Variants in TSGA10 observed in about 807,000 individuals in gnomAD.
The protein encoded by TSGA10 is testis-specific gene 10 protein.
A neutral mutation model predicts 96.6 loss-of-function variants in TSGA10; 43 were observed. The observed-to-expected ratio is 0.44, with a 90% CI of 0.35 to 0.57. The LOEUF (loss-of-function observed/expected upper bound fraction) is 0.57, where lower values mean the gene tolerates loss of function less well. Among genes scored for constraint, TSGA10 ranks in the 20% least tolerant of loss-of-function variants. The pLI is 0.01. For synonymous variants in TSGA10, 229 were observed against 269.9 expected (o/e 0.85, Z 1.48); for missense variants, 703 against 834.4 (o/e 0.84, Z 1.94).
At chr2:99,137,169 G>A (rs2093360887) in intron 1 of TSGA10, among the ~76,000 whole-genome samples, 1 of 151,980 alleles carries the variant, frequency 6.6e-6, no homozygotes, top group African/African-American at 2.4e-5. Flanking sequence ...AGCTAACTTT[G>A]TATTTTTAGT....
chr2:99,122,202 G>A (rs2092608865), intron 2 of TSGA10, among the ~76,000 whole-genome samples: 1 of 152,034 alleles, frequency 6.6e-6, no homozygotes. Flanking sequence ...TTTGTTTTTG[G>A]TGCCTTCCTG....
At chr2:99,143,616 A>G (rs978160870) in intron 1 of TSGA10, among the ~76,000 whole-genome samples, 1 of 151,826 alleles carries the variant, frequency 6.6e-6, no homozygotes, top group African/African-American at 2.4e-5. Flanking sequence ...GACCACAGGT[A>G]TGTGCCACCA....
At position 99,030,639 on chromosome 2, in the gene TSGA10, C is replaced by A. The variant is rs566892022; in HGVS notation, c.1614+4591G>T. Among the ~76,000 whole-genome samples, 40 of 152,102 alleles carry A rather than the reference C, an allele frequency of 2.6e-4. No homozygotes were observed. In the East Asian group the frequency reaches 6.0e-3, roughly 23 times the overall value. ...TCCAGCCTGGGTGACAGAGTGAGAC[C>A]CAATCTCTAAAACCAAACCAAAAGA... On this transcript the variant is annotated intron_variant, in intron 17 of 20. Transcript: ENST00000393483.
At chr2:99,103,880 CA>C in intron 10 of TSGA10, 86 bp downstream of exon 10, 2 of 1,465,842 alleles carry the variant, frequency 1.4e-6, no homozygotes, top group Non-Finnish European at 1.8e-6. Flanking sequence ...CTGAACTCAA[CA>C]AATAATTTTC....
intron 16 of TSGA10, among the ~76,000 whole-genome samples, chr2:99,053,284 G>A (rs374414052): frequency 6.7e-6 from 1 of 148,362 alleles, no homozygotes; most frequent in East Asian, 2.0e-4. Flanking sequence ...GCAAGACAAT[G>A]TTTTCTACAA....
At chr2:99,037,813 G>A (rs2081784102) in intron 16 of TSGA10, among the ~76,000 whole-genome samples, 1 of 152,060 alleles carries the variant, frequency 6.6e-6, no homozygotes, top group Non-Finnish European at 1.5e-5. Context: ...TCGCGCCATT[G>A]CACTGCCCCT....
At position 99,108,930 on chromosome 2, in the gene TSGA10, C is replaced by T. The variant is rs750451578; in HGVS notation, c.113G>A (p.Cys38Tyr). The T allele has an allele frequency of 6.2e-7, 1 of 1,608,124 alleles. No homozygotes were observed. Among genetic ancestry groups the T allele is most frequent in the East Asian group, 2.2e-5 (1 of 44,676 alleles). ...ATGGCGCTCATATTTTTCCAGCATG[C>T]ATTTAAGTTCTTCACGATCTCTTGT... ...TTTRDREELKCMLEKYERHLA... is the reference protein window; with the variant it reads ...TTTRDREELKYMLEKYERHLA... The change falls in exon 7 of 21, where the codon TGC (cysteine) becomes TAC (tyrosine). Residue 38 changes from cysteine to tyrosine, a missense_variant. By Grantham distance (194) the Cys-to-Tyr change is radical (BLOSUM62 -2). This residue lies in a region of TSGA10 where 585 missense variants were observed against 656.8 expected (regional missense o/e 0.89). Coordinates refer to ENST00000393483, the MANE Select transcript of TSGA10 (RefSeq NM_025244.4).
At chr2:99,095,797 C>T (rs554442073) in intron 10 of TSGA10, among the ~76,000 whole-genome samples, 23 of 152,310 alleles carry the variant, frequency 1.5e-4, no homozygotes, top group African/African-American at 4.3e-4. Context: ...CACGCCACCA[C>T]GCCCAGCTAA....
chr2:99,056,431 T>C (rs1481129475), intron 16 of TSGA10, among the ~76,000 whole-genome samples: 1 of 152,118 alleles, frequency 6.6e-6, no homozygotes, highest in East Asian at 1.9e-4. Context: ...TATAAACAAC[T>C]GTATGCCAAT....
At chr2:99,071,507 C>T (rs193021959) in intron 14 of TSGA10, among the ~76,000 whole-genome samples, 199 bp downstream of exon 14, 1,631 of 152,066 alleles carry the variant, frequency 0.011, 10 homozygotes, top group Middle Eastern at 0.027. Context: ...TAGCCCTGTT[C>T]TCTCTTTTCT....
intron 16 of TSGA10, among the ~76,000 whole-genome samples, chr2:99,062,236 C>T (rs923203538): frequency 6.6e-6 from 1 of 151,722 alleles, no homozygotes; most frequent in Non-Finnish European, 1.5e-5. Flanking sequence ...GAAGTGAGCA[C>T]AGATGCTTTT....
At chr2:99,065,954 T>C (rs1021467988) in intron 15 of TSGA10, among the ~76,000 whole-genome samples, 1 of 152,200 alleles carries the variant, frequency 6.6e-6, no homozygotes, top group Non-Finnish European at 1.5e-5. Flanking sequence ...TATTAGGCTA[T>C]TTAAAAAAAT....
chr2:99,042,286 G>A (rs562201006), intron 16 of TSGA10, among the ~76,000 whole-genome samples: 1 of 152,150 alleles, frequency 6.6e-6, no homozygotes, highest in African/African-American at 2.4e-5. Flanking sequence ...CAGGTCTTAT[G>A]TGGTACCACA....
intron 15 of TSGA10, among the ~76,000 whole-genome samples, chr2:99,067,125 A>G (rs1447482113): frequency 2.0e-5 from 3 of 152,118 alleles, no homozygotes; most frequent in Non-Finnish European, 4.4e-5. Context: ...TACAGGACCT[A>G]CTTTTTCCCC....
At chr2:99,050,177 C>T (rs2083246559) in intron 16 of TSGA10, among the ~76,000 whole-genome samples, 1 of 152,130 alleles carries the variant, frequency 6.6e-6, no homozygotes, top group Non-Finnish European at 1.5e-5. Context: ...GGAAGGCTAA[C>T]ATAACAAAAA....
At chr2:99,094,630 G>T (rs1558995145) in intron 10 of TSGA10, among the ~76,000 whole-genome samples, 1 of 152,072 alleles carries the variant, frequency 6.6e-6, no homozygotes, top group African/African-American at 2.4e-5. Context: ...TATACAAATG[G>T]CCAACAAACA....
At chr2:99,115,185 G>A (rs1369033661) in intron 4 of TSGA10, among the ~76,000 whole-genome samples, 2 of 151,964 alleles carry the variant, frequency 1.3e-5, no homozygotes, top group African/African-American at 4.8e-5. Flanking sequence ...CACCTGCCTC[G>A]GCCTCCCAAA....
chr2:99,100,031 A>G (rs1435028433), intron 10 of TSGA10, among the ~76,000 whole-genome samples: 7 of 152,206 alleles, frequency 4.6e-5, no homozygotes, highest in African/African-American at 1.7e-4. Context: ...AGCAAAACTG[A>G]AAAATATAGA....
intron 10 of TSGA10, chr2:99,102,099 A>G: frequency 6.8e-7 from 1 of 1,473,534 alleles, no homozygotes; most frequent in Non-Finnish European, 9.5e-7. Flanking sequence ...AGAAAAGTTA[A>G]TAAAGCGACA....
Sources: gnomAD v4.1 joint callset for allele counts (sites outside exome capture counted in the v4.1 genomes callset) on GRCh38, gnomAD v4.1.1 for gene constraint, gnomAD v4.1.1 regional missense constraint, MANE v1.5 for transcripts, NCBI Gene and HGNC (gene_info 2026-07-23, HGNC 2026-07-21) for gene names.